The following RALGAPA2 variants were observed in gnomAD, a reference collection of about 807,000 sequenced individuals.
The protein encoded by RALGAPA2 is ral GTPase-activating protein subunit alpha-2.
In RALGAPA2, 139 loss-of-function variants were observed where a neutral mutation model predicts 230.4. The observed-to-expected ratio is 0.60, with a 90% CI of 0.53 to 0.69. RALGAPA2 has a LOEUF of 0.69. Ranked by LOEUF, RALGAPA2 falls within the 30% of genes least tolerant of loss-of-function variation. The pLI is 0.00. For missense variants in RALGAPA2, 2,163 were observed against 2,276.0 expected (o/e 0.95, Z 1.01); for synonymous variants, 847 against 837.8 (o/e 1.01, Z -0.19).
Position 20,605,211 on chromosome 20 carries a change from A to G in RALGAPA2, c.2002T>C (p.Leu668=). 1 of 1,613,380 alleles carries G rather than the reference A, an allele frequency of 6.2e-7. No homozygotes were observed. ...TGCTTCTTTTCCTTTTGTTCACTTAATTTATCCAGAGGTAGGTTTGTCATC... is the reference window on the plus strand; with the variant it reads ...TGCTTCTTTTCCTTTTGTTCACTTAGTTTATCCAGAGGTAGGTTTGTCATC... The part of the protein sequence containing the change: ...VEMTNLPLDK[L]SEQKEKKQRG... Residue 668 remains leucine (L), a synonymous_variant, in exon 15 of 40, where the codon TTA becomes CTA. Coordinates refer to ENST00000202677, the MANE Select transcript of RALGAPA2 (RefSeq NM_020343.4).
chr20:20,595,546 G>C (rs2146144216), intron 16 of RALGAPA2, among the ~76,000 whole-genome samples: 2 of 152,176 alleles, frequency 1.3e-5, no homozygotes, highest in Middle Eastern at 6.8e-3. Flanking sequence ...TTAGAATAAG[G>C]GGAGATTGTT....
rs551749805 is a variant in RALGAPA2 at position 20,629,838 on chromosome 20, G to A, written c.1006-248C>T. On this transcript the variant is annotated intron_variant, in intron 9 of 39. Transcript: ENST00000202677. The stretch of plus-strand genomic sequence containing the variant: ...AACTACTAAGCTATTTCAGAAAGGA[G>A]GGCTGTGAAATTTTCCCAATCTAAA... Among the ~76,000 whole-genome samples, 9 of 152,308 alleles carry A rather than the reference G, an allele frequency of 5.9e-5. No individual in the cohort carries two copies. In the East Asian group the frequency reaches 1.7e-3, roughly 29 times the overall value.
Position 20,620,622 on chromosome 20 carries a change from C to T in RALGAPA2, c.1242G>A (p.Leu414=), listed in dbSNP as rs758904339. ...TTACAGCTATCTCACAGGAAGGCAA[C>T]AAAAATGCCTGAAAGGAAAAGAGAA... is the stretch of plus-strand genomic sequence containing the variant. ...FVNEVFHQAF[L]LPSCEIAVTR... The change falls in exon 11 of 40, where the codon TTG becomes TTA. Residue 414 remains leucine (L), a synonymous_variant. Coordinates refer to ENST00000202677, the MANE Select transcript of RALGAPA2 (RefSeq NM_020343.4). The T allele has an allele frequency of 1.2e-6, 2 of 1,607,150 alleles. No homozygotes were observed. Among genetic ancestry groups the T allele is most frequent in the South Asian group, 1.1e-5 (1 of 90,258 alleles).
intron 38 of RALGAPA2, among the ~76,000 whole-genome samples, chr20:20,410,018 C>A (rs540870200): frequency 1.4e-4 from 21 of 152,306 alleles, no homozygotes; most frequent in African/African-American, 4.8e-4. Flanking sequence ...ATTTGAAAAG[C>A]GGAGGGAGTA....
chr20:20,444,142 AAC>A (rs1279773719), intron 37 of RALGAPA2, among the ~76,000 whole-genome samples: 2 of 152,104 alleles, frequency 1.3e-5, no homozygotes, highest in African/African-American at 2.4e-5. Context: ...ATGGCAACAC[AAC>A]ACACACACAC....
rs1187908486 is a variant in RALGAPA2, at chr20:20,390,481, G to A, written c.*2808C>T. On this transcript the variant is annotated 3_prime_UTR_variant, in exon 40 of 40. Transcript: ENST00000202677. Reference sequence around the variant, plus strand: ...TCTGGGAATAGGTGTGCAGAGAAGTGAGGGAACTGGCCTGGCCCTGCCTGA... The same window carrying A: ...TCTGGGAATAGGTGTGCAGAGAAGTAAGGGAACTGGCCTGGCCCTGCCTGA... 1 of 152,184 alleles carries A rather than the reference G, an allele frequency of 6.6e-6. No homozygotes were observed. Among genetic ancestry groups the A allele is most frequent in the Non-Finnish European group, 1.5e-5 (1 of 68,038 alleles). 9.4% of individuals were successfully genotyped at this position (152,184 alleles called of 1,614,324 possible). A position where few individuals can be genotyped will look rare whatever the true frequency, so the allele number is the denominator to read the frequency against.
chr20:20,597,869 T>C (rs1181021951), intron 16 of RALGAPA2, among the ~76,000 whole-genome samples: 1 of 151,886 alleles, frequency 6.6e-6, no homozygotes, highest in Non-Finnish European at 1.5e-5. Flanking sequence ...CAACAAAAAA[T>C]ACTAATCTAC....
At chr20:20,450,140 T>C (rs1178635265) in intron 37 of RALGAPA2, among the ~76,000 whole-genome samples, 1 of 152,234 alleles carries the variant, frequency 6.6e-6, no homozygotes, top group Non-Finnish European at 1.5e-5. Context: ...AATATCTTGC[T>C]AGCAAAAAGA....
intron 37 of RALGAPA2, among the ~76,000 whole-genome samples, chr20:20,444,994 G>T (rs2060828234): frequency 6.6e-6 from 1 of 152,122 alleles, no homozygotes; most frequent in South Asian, 2.1e-4. Flanking sequence ...GCCTGTGTTC[G>T]AGTAACTCTT....
chr20:20,566,595 T>C lies in RALGAPA2; in HGVS notation c.3156+4863A>G, dbSNP rs186566245. On this transcript the variant is annotated intron_variant, in intron 23 of 39. Transcript: ENST00000202677. ...CCCTTAATATTATTACAAGAGCTCA[T>C]GCTTACTAAGGGATCATATCCATGA... Among the ~76,000 whole-genome samples, 22 of 152,326 alleles carry C rather than the reference T, an allele frequency of 1.4e-4. No individual in the cohort carries two copies. The East Asian group carries it at 4.2e-3, about 29-fold the overall frequency.
At chr20:20,512,244 C>CACACACACACACACACACACAT (rs2062733071) in intron 32 of RALGAPA2, among the ~76,000 whole-genome samples, 18 of 148,384 alleles carry the variant, frequency 1.2e-4, no homozygotes, top group African/African-American at 4.3e-4. Flanking sequence ...CACACATACA[C>CACACACACACACACACACACAT]ACACACACAC....
chr20:20,416,430 C>T (rs1365481252), intron 37 of RALGAPA2, among the ~76,000 whole-genome samples: 1 of 152,130 alleles, frequency 6.6e-6, no homozygotes, highest in Non-Finnish European at 1.5e-5. Context: ...CACAGTCACA[C>T]AGTAATGGAA....
intron 13 of RALGAPA2, among the ~76,000 whole-genome samples, chr20:20,611,682 T>C (rs775462726): frequency 6.6e-6 from 1 of 152,132 alleles, no homozygotes; most frequent in East Asian, 1.9e-4. Flanking sequence ...TCCAGCCTGA[T>C]TTTCTCCCCT....
intron 38 of RALGAPA2, among the ~76,000 whole-genome samples, chr20:20,405,029 C>T (rs1260471801): frequency 6.6e-6 from 1 of 152,212 alleles, no homozygotes; most frequent in African/African-American, 2.4e-5. Flanking sequence ...ATTTACTATC[C>T]TCTATCTTTT....
chr20:20,484,275 T>C (rs567079781), intron 36 of RALGAPA2, among the ~76,000 whole-genome samples: 3 of 152,312 alleles, frequency 2.0e-5, no homozygotes, highest in South Asian at 2.1e-4. Context: ...AAACATTTTA[T>C]GAAAAGTAAA....
intron 33 of RALGAPA2, among the ~76,000 whole-genome samples, chr20:20,510,543 G>A (rs1480726044): frequency 1.3e-5 from 2 of 150,564 alleles, no homozygotes; most frequent in African/African-American, 4.9e-5. Flanking sequence ...TTTTTTTAGA[G>A]TTTTTTAAAA....
chr20:20,572,453 A>AG, intron 21 of RALGAPA2, among the ~76,000 whole-genome samples: 1 of 152,068 alleles, frequency 6.6e-6, no homozygotes, highest in East Asian at 1.9e-4. Flanking sequence ...TTTCAAAAAA[A>AG]AAAAAAAAAC....
intron 35 of RALGAPA2, among the ~76,000 whole-genome samples, chr20:20,496,235 A>C (rs2062200751): frequency 6.6e-6 from 1 of 152,170 alleles, no homozygotes; most frequent in African/African-American, 2.4e-5. Context: ...CTTACTAGAA[A>C]GATCTCCAAA....
Position 20,390,427 on chromosome 20 carries a change from G to A in RALGAPA2, c.*2862C>T, listed in dbSNP as rs2059585464. 1 of 152,134 alleles carries A rather than the reference G, an allele frequency of 6.6e-6. No homozygotes were observed. 9.4% of individuals were successfully genotyped at this position (152,134 alleles called of 1,614,324 possible). ...TACGAAAGCCTAAGTACAATGAGAC[G>A]ATAAACATCAGCTTTGCTCTGGATG... On this transcript the variant is annotated 3_prime_UTR_variant, in exon 40 of 40. Coordinates refer to ENST00000202677, the MANE Select transcript of RALGAPA2 (RefSeq NM_020343.4).
Sources: gnomAD v4.1 joint callset for allele counts (sites outside exome capture counted in the v4.1 genomes callset) on GRCh38, gnomAD v4.1.1 for gene constraint, MANE v1.5 for transcripts, NCBI Gene and HGNC (gene_info 2026-07-23, HGNC 2026-07-21) for gene names.